NLRP9: variants seen among roughly 807,000 people sequenced by gnomAD.
The protein encoded by NLRP9 is NACHT, LRR and PYD domains-containing protein 9.
A neutral mutation model predicts 83.1 loss-of-function variants in NLRP9; 88 were observed. The ratio of observed to expected loss-of-function variants is 1.06; its 90% confidence interval spans 0.89 to 1.26. The LOEUF is 1.26. Ranked by LOEUF, NLRP9 falls within the 50% of genes most tolerant of loss-of-function variation. The pLI is 0.00. For missense variants in NLRP9, 1,308 were observed against 1,179.3 expected, an observed-to-expected ratio of 1.11 and a Z score of -1.60; for synonymous variants, 521 against 447.6, an observed-to-expected ratio of 1.16 and a Z score of -2.07.
At chr19:55,710,529 G>C (rs1458935104) in intron 8 of NLRP9, among the ~76,000 whole-genome samples, 1 of 152,104 alleles carries the variant, frequency 6.6e-6, no homozygotes, top group African/African-American at 2.4e-5. Context: ...TGGATCATGG[G>C]GGTGGATCCT....
In NLRP9 at chr19:55,738,400, T is replaced by A; in HGVS notation, c.-26A>T. ...ATCGCCCCAGGATTGTGAACTGAGGTGTCTCCAGAGGGAAAAGAAAGATCC... is the reference window on the plus strand; with the variant it reads ...ATCGCCCCAGGATTGTGAACTGAGGAGTCTCCAGAGGGAAAAGAAAGATCC... On this transcript the variant is annotated 5_prime_UTR_variant, in exon 1 of 9. Coordinates refer to ENST00000332836, the MANE Select transcript of NLRP9 (RefSeq NM_176820.4). 1.9e-6 allele frequency: 3 copies of A among 1,599,550 alleles called. No homozygotes were observed. Among genetic ancestry groups the A allele is most frequent in the Non-Finnish European group, 2.6e-6 (3 of 1,174,338 alleles).
intron 7 of NLRP9, 104 bp downstream of exon 7, chr19:55,712,316 G>T (rs935680119): frequency 5.2e-6 from 5 of 958,094 alleles, no homozygotes; most frequent in African/African-American, 3.3e-5. Context: ...GTCCCAGAGG[G>T]ACTTGCTTTT....
Position 55,733,282 on chromosome 19 carries a change from A to G in NLRP9, c.549T>C (p.Phe183=), listed in dbSNP as rs201886295. ...CGTTCATTTCACAGACATTGAGGAA[A>G]AACACAAATGTGAACCTGTCCTTCC... is the stretch of plus-strand genomic sequence containing the variant. ...NLWKDRFTFV[F]FLNVCEMNGI... is the part of the protein sequence containing the mutation. The change falls in exon 2 of 9, where the codon TTT becomes TTC. Residue 183 remains phenylalanine (F), a synonymous_variant. Coordinates refer to ENST00000332836, the MANE Select transcript of NLRP9 (RefSeq NM_176820.4). The G allele has an allele frequency of 3.1e-6, 5 of 1,614,136 alleles. No individual in the cohort carries two copies. Among genetic ancestry groups the G allele is most frequent in the Non-Finnish European group, 4.2e-6 (5 of 1,179,970 alleles).
intron 3 of NLRP9, among the ~76,000 whole-genome samples, chr19:55,725,680 C>T (rs1243572770): frequency 1.3e-5 from 2 of 151,980 alleles, no homozygotes; most frequent in Non-Finnish European, 2.9e-5. Context: ...ATCTGTGCGG[C>T]GAGGGTGAGC....
Position 55,714,678 on chromosome 19 carries a change from A to G in NLRP9, c.2501+377T>C, listed in dbSNP as rs1987938285. ...CCATAGACTGAAACGGGTCCCTTAT[A>G]GACAACAGAAATGTATTTCTCACAG... On this transcript the variant is annotated intron_variant, in intron 6 of 8. Transcript: ENST00000332836. Among the ~76,000 whole-genome samples the G allele has an allele frequency of 1.3e-5, 2 of 152,104 alleles. 1 individual carries two copies. Among genetic ancestry groups the G allele is most frequent in the Admixed American group, 1.3e-4 (2 of 15,246 alleles).
At chr19:55,712,003 C>A in intron 7 of NLRP9, 33 bp from the exon 8 acceptor site, 2 of 1,604,044 alleles carry the variant, frequency 1.2e-6, no homozygotes, top group African/African-American at 1.3e-5. Context: ...AGAATCCACT[C>A]TAGCTTTGGG....
Position 55,727,152 on chromosome 19 carries a change from T to C in NLRP9, c.1994+2679A>G, listed in dbSNP as rs551996875. Among the ~76,000 whole-genome samples, 205 of 152,288 alleles carry C rather than the reference T, an allele frequency of 1.3e-3. 1 individual carries two copies. Among genetic ancestry groups the C allele is most frequent in the Non-Finnish European group, 8.7e-4 (59 of 68,024 alleles). On this transcript the variant is annotated intron_variant, in intron 3 of 8. Transcript: ENST00000332836. ...CTGTAATCTCAGCTACTTGGGAGGC[T>C]GAGGCAGGAGCATTGCTTGAACCTG...
chr19:55,723,727 CAAAAAAAAA>C (rs10711721), intron 4 of NLRP9, among the ~76,000 whole-genome samples: 1 of 79,828 alleles, frequency 1.3e-5, no homozygotes, highest in Non-Finnish European at 2.5e-5. Context: ...GACCCTGTCT[CAAAAAAAAA>C]AAAAAAAAAA....
chr19:55,724,201 G>C, intron 3 of NLRP9, 57 bp from the exon 4 acceptor site: 1 of 1,225,318 alleles, frequency 8.2e-7, no homozygotes, highest in Non-Finnish European at 1.2e-6. Context: ...CACAAAGACA[G>C]ACACCTCTTG....
chr19:55,727,415 C>T (rs1291359792), intron 3 of NLRP9, among the ~76,000 whole-genome samples: 2 of 152,120 alleles, frequency 1.3e-5, no homozygotes, highest in African/African-American at 4.8e-5. Flanking sequence ...TTCATGTTAC[C>T]ATTGACCTCA....
chr19:55,722,589 G>T (rs573499145), intron 4 of NLRP9, among the ~76,000 whole-genome samples: 24 of 152,296 alleles, frequency 1.6e-4, no homozygotes, highest in African/African-American at 5.3e-4. Context: ...TATTCTCTTA[G>T]GGGGTTTAGT....
intron 6 of NLRP9, among the ~76,000 whole-genome samples, chr19:55,713,446 G>A (rs963572720): frequency 6.6e-6 from 1 of 151,746 alleles, no homozygotes; most frequent in Non-Finnish European, 1.5e-5. Flanking sequence ...ATATGTATGT[G>A]TCTGATGTAT....
intron 1 of NLRP9, among the ~76,000 whole-genome samples, chr19:55,735,017 T>A (rs980883291): frequency 1.3e-5 from 2 of 152,162 alleles, no homozygotes; most frequent in Non-Finnish European, 2.9e-5. Flanking sequence ...CTGTTCATAA[T>A]CTGAGTTTTC....
At position 55,738,195 on chromosome 19, in the gene NLRP9, G is replaced by T; in HGVS notation, c.180C>A (p.Asp60Glu). 1 of 1,614,102 alleles carries T rather than the reference G, an allele frequency of 6.2e-7. No homozygotes were observed. The highest frequency in any genetic ancestry group is 8.5e-7 in the Non-Finnish European group (1 of 1,179,996). ...ASKEDVAKLL[D>E]KHYPGKQAWE... ...ATGCCTGCTTTCCTGGGTAATGTTT[G>T]TCCAGCAGCTTTGCTACATCTTCTT... is the stretch of plus-strand genomic sequence containing the variant. Residue 60 changes from aspartate (D) to glutamate (E), a missense_variant, in exon 1 of 9, where the codon GAC (aspartate) becomes GAA (glutamate). Asp to Glu is a conservative substitution (Grantham distance 45). Transcript: ENST00000332836.
chr19:55,724,236 T>A, intron 3 of NLRP9, 92 bp from the exon 4 acceptor site: 8 of 814,992 alleles, frequency 9.8e-6, no homozygotes, highest in South Asian at 1.9e-5. Context: ...CCCTGAATGC[T>A]GGGCCTCACC....
At position 55,732,449 on chromosome 19, in the gene NLRP9, C is replaced by T. The variant is rs758078069; in HGVS notation, c.1382G>A (p.Arg461Gln). ...GGCCGGGTTAGGATCGTCTTTGGGT[C>T]GTTTGAGCAAATAAAACATGGCGGC... ...FCAAMFYLLK[R>Q]PKDDPNPAIG... Residue 461 changes from arginine (R) to glutamine (Q), a missense_variant, in exon 2 of 9, where the codon CGA becomes CAA. Arg to Gln is a conservative substitution (Grantham distance 43, BLOSUM62 1). Coordinates refer to ENST00000332836, the MANE Select transcript of NLRP9 (RefSeq NM_176820.4). 6.2e-7 allele frequency: 1 copy of T among 1,614,184 alleles called. No individual in the cohort carries two copies. Among genetic ancestry groups the T allele is most frequent in the Non-Finnish European group, 8.5e-7 (1 of 1,180,032 alleles).
At chr19:55,723,497 C>A (rs954967845) in intron 4 of NLRP9, among the ~76,000 whole-genome samples, 5 of 151,912 alleles carry the variant, frequency 3.3e-5, no homozygotes, top group African/African-American at 7.3e-5. Flanking sequence ...GAGGTCAAGG[C>A]GGGCAGATTG....
chr19:55,726,482 G>A (rs1190694760), intron 3 of NLRP9, among the ~76,000 whole-genome samples: 4 of 152,172 alleles, frequency 2.6e-5, no homozygotes. Flanking sequence ...CCCAGCGTTA[G>A]GGATTAAGGA....
rs769275990 is a variant in NLRP9 at position 55,732,900 on chromosome 19, A to C, written c.931T>G (p.Phe311Val). ...TTCAGGGCTTTGCTCTTCTCACCAA[A>C]GAAGTAGGAGAAATACGACTTCTTT... Reference protein sequence around the residue: ...SEKKSYFSYFFGEKSKALKVF... With the variant: ...SEKKSYFSYFVGEKSKALKVF... The change falls in exon 2 of 9, where the codon TTT becomes GTT. Residue 311 changes from phenylalanine to valine, a missense_variant. Phe to Val is a conservative substitution (Grantham distance 50, BLOSUM62 -1). Transcript: ENST00000332836. The C allele has an allele frequency of 5.0e-6, 8 of 1,613,772 alleles. No individual in the cohort carries two copies.
Sources: gnomAD v4.1 joint callset for allele counts (sites outside exome capture counted in the v4.1 genomes callset) on GRCh38, gnomAD v4.1.1 for gene constraint, MANE v1.5 for transcripts, NCBI Gene and HGNC (gene_info 2026-07-23, HGNC 2026-07-21) for gene names.